KCNMA1: variants seen among roughly 807,000 people sequenced by gnomAD.
KCNMA1 encodes the protein potassium calcium-activated channel subfamily M alpha 1.
Under a neutral mutation model 140.0 loss-of-function variants are expected in KCNMA1, and 29 were observed. That is an observed-to-expected ratio of 0.21 (90% confidence interval 0.15 to 0.28). The LOEUF (loss-of-function observed/expected upper bound fraction) is 0.28. Ranked by LOEUF, KCNMA1 falls within the 10% of genes least tolerant of loss-of-function variation. The pLI is 1.00. For missense variants in KCNMA1, 880 were observed against 1,602.2 expected (o/e 0.55, Z 7.70); for synonymous variants, 612 against 611.9 (o/e 1.00, Z 0.00).
chr10:77,328,306 C>A (rs946454405), intron 2 of KCNMA1, among the ~76,000 whole-genome samples: 1 of 152,124 alleles, frequency 6.6e-6, no homozygotes, highest in Admixed American at 6.5e-5. Flanking sequence ...ATCTTGGCAC[C>A]AACCACACTA....
At chr10:77,109,486 G>A (rs924159207) in intron 8 of KCNMA1, among the ~76,000 whole-genome samples, 5 of 152,240 alleles carry the variant, frequency 3.3e-5, no homozygotes, top group Admixed American at 2.6e-4. Context: ...AAATCCCCTC[G>A]ATTTACATTA....
chr10:76,910,307 A>T (rs1590257168), intron 24 of KCNMA1: 2 of 558,956 alleles, frequency 3.6e-6, no homozygotes, highest in East Asian at 7.1e-5. Flanking sequence ...AGACCTGGAG[A>T]GCAATAAGTT....
chr10:77,152,825 C>T (rs775959135), intron 5 of KCNMA1, among the ~76,000 whole-genome samples: 16 of 152,190 alleles, frequency 1.1e-4, no homozygotes, highest in Non-Finnish European at 2.2e-4. Flanking sequence ...ACAGGGCCAG[C>T]CTCCCAGGAA....
intron 2 of KCNMA1, among the ~76,000 whole-genome samples, chr10:77,324,121 C>T (rs1232892105): frequency 6.6e-6 from 1 of 152,146 alleles, no homozygotes; most frequent in Admixed American, 6.5e-5. Flanking sequence ...GGCTTCATTG[C>T]AAGCCACTGT....
chr10:77,624,115 TG>T (rs1429309607), intron 1 of KCNMA1, among the ~76,000 whole-genome samples: 1 of 152,202 alleles, frequency 6.6e-6, no homozygotes, highest in Non-Finnish European at 1.5e-5. Context: ...GCAGCTGGAA[TG>T]CTCCGTGGAA....
chr10:77,384,018 T>A (rs755376948), intron 2 of KCNMA1, among the ~76,000 whole-genome samples: 9 of 152,232 alleles, frequency 5.9e-5, no homozygotes, highest in Non-Finnish European at 1.3e-4. Context: ...TGCGTCACCA[T>A]CAGCTCTCTG....
chr10:77,563,020 A>G (rs1221994790), intron 1 of KCNMA1, among the ~76,000 whole-genome samples: 1 of 151,836 alleles, frequency 6.6e-6, no homozygotes, highest in East Asian at 1.9e-4. Context: ...TCTTGATCTC[A>G]GCCCAAAGGT....
chr10:77,240,063 C>G (rs1034274168), intron 3 of KCNMA1, among the ~76,000 whole-genome samples: 2 of 152,106 alleles, frequency 1.3e-5, no homozygotes, highest in African/African-American at 4.8e-5. Flanking sequence ...AAGTTAATAT[C>G]CTGGCAGAAC....
intron 10 of KCNMA1, among the ~76,000 whole-genome samples, chr10:77,086,916 A>T (rs1218720248): frequency 1.3e-5 from 2 of 152,154 alleles, no homozygotes; most frequent in African/African-American, 4.8e-5. Flanking sequence ...CACTAGTGGG[A>T]TGGTTCATTT....
At chr10:77,180,544 T>C (rs1598080186) in intron 5 of KCNMA1, among the ~76,000 whole-genome samples, 1 of 152,348 alleles carries the variant, frequency 6.6e-6, no homozygotes, top group Non-Finnish European at 1.5e-5. Flanking sequence ...AAAAGGTTAT[T>C]GTTCTATGTG....
At chr10:77,350,748 T>G (rs534692541) in intron 2 of KCNMA1, 48 of 152,392 alleles carry the variant, frequency 3.1e-4, no homozygotes, top group African/African-American at 1.2e-3. Context: ...GGTGTCTCTC[T>G]CCCCTCTTCA....
At chr10:77,443,092 T>TA (rs1210527572) in intron 1 of KCNMA1, among the ~76,000 whole-genome samples, 3 of 152,102 alleles carry the variant, frequency 2.0e-5, no homozygotes, top group African/African-American at 7.2e-5. Context: ...TACACACACA[T>TA]AGACAGGGAA....
intron 1 of KCNMA1, among the ~76,000 whole-genome samples, chr10:77,542,588 T>A (rs816854): frequency 0.086 from 13,140 of 152,240 alleles, 711 homozygotes; most frequent in Admixed American, 0.14. Flanking sequence ...TGTATTTTTT[T>A]AAAAGATACG....
chr10:77,355,590 T>G (rs1463612100), intron 2 of KCNMA1, among the ~76,000 whole-genome samples: 1 of 152,126 alleles, frequency 6.6e-6, no homozygotes, highest in Non-Finnish European at 1.5e-5. Context: ...CAGCCTTTGA[T>G]AAAGACACCA....
chr10:76,937,261 C>T (rs1011648539), intron 23 of KCNMA1, among the ~76,000 whole-genome samples: 2 of 152,224 alleles, frequency 1.3e-5, no homozygotes, highest in Non-Finnish European at 2.9e-5. Flanking sequence ...TTAAATGGCC[C>T]TTTAAGCCTG....
chr10:77,066,218 C>G (rs1036166500), intron 14 of KCNMA1, among the ~76,000 whole-genome samples: 7 of 152,168 alleles, frequency 4.6e-5, no homozygotes, highest in Middle Eastern at 3.4e-3. Flanking sequence ...AGTTAGGAGG[C>G]TGGTGTAATA....
chr10:77,159,721 A>G (rs2098533827), intron 5 of KCNMA1, among the ~76,000 whole-genome samples: 1 of 151,932 alleles, frequency 6.6e-6, no homozygotes, highest in African/African-American at 2.4e-5. Flanking sequence ...CAGCCAGAAC[A>G]CCACCTCCTT....
At chr10:76,924,815 C>A (rs1873696) in intron 23 of KCNMA1, among the ~76,000 whole-genome samples, 4,651 of 152,232 alleles carry the variant, frequency 0.031, 236 homozygotes, top group African/African-American at 0.11. Context: ...AGAGCAGAGG[C>A]CATTTACATA....
At chr10:76,887,957 T>G in intron 27 of KCNMA1, 1 of 181,538 alleles carries the variant, frequency 5.5e-6, no homozygotes, top group Non-Finnish European at 1.2e-5. Context: ...TCTCGCTCTT[T>G]ACCTTTTAAA....
Sources: gnomAD v4.1 joint callset for allele counts (sites outside exome capture counted in the v4.1 genomes callset) on GRCh38, gnomAD v4.1.1 for gene constraint, MANE v1.5 for transcripts, NCBI Gene and HGNC (gene_info 2026-07-23, HGNC 2026-07-21) for gene names.